FARP1: variants seen among roughly 807,000 people sequenced by gnomAD.
The protein encoded by FARP1 is FERM, ARH/RhoGEF and pleckstrin domain protein 1.
A neutral mutation model predicts 128.8 loss-of-function variants in FARP1; 52 were observed. That is an observed-to-expected ratio of 0.40 (90% CI 0.32 to 0.51). The LOEUF is 0.51. Among genes scored for constraint, FARP1 ranks in the 20% least tolerant of loss-of-function variants. The pLI is 0.45. For missense variants in FARP1, 1,333 were observed against 1,367.9 expected, an observed-to-expected ratio of 0.97 and a Z score of 0.40; for synonymous variants, 580 against 551.8, an observed-to-expected ratio of 1.05 and a Z score of -0.72.
At chr13:98,177,162 A>C (rs1878136839) in intron 1 of FARP1, 1 of 1,607,344 alleles carries the variant, frequency 6.2e-7, no homozygotes, top group Non-Finnish European at 8.5e-7. Context: ...CTTTCCGTCC[A>C]GGCTTTTTGA....
chr13:98,442,312 C>T (rs57514013), intron 24 of FARP1, among the ~76,000 whole-genome samples: 6 of 152,170 alleles, frequency 3.9e-5, no homozygotes, highest in Non-Finnish European at 5.9e-5. Flanking sequence ...TGGAGGGTCT[C>T]GAGAGAGTCT....
chr13:98,359,188 T>C (rs1419159292), intron 3 of FARP1, among the ~76,000 whole-genome samples: 4 of 152,148 alleles, frequency 2.6e-5, no homozygotes, highest in Admixed American at 6.5e-5. Context: ...CTATGTGACA[T>C]TGAGCAGCTT....
chr13:98,379,210 ATATAATATATAATCTATCTATATATAATC>A (rs1320350552), intron 6 of FARP1, among the ~76,000 whole-genome samples: 4 of 115,954 alleles, frequency 3.4e-5, no homozygotes, highest in South Asian at 2.5e-4. Flanking sequence ...TATATATAAT[ATATAATATATAATCTATCTATATATAATC>A]TATATATAAT....
At chr13:98,410,859 A>G (rs2291174) in intron 15 of FARP1, 36 bp downstream of exon 15, 93,894 of 1,080,338 alleles carry the variant, frequency 0.087, 4,614 homozygotes, top group East Asian at 0.11. Context: ...ATTCGATTAC[A>G]TGATTTATCT....
intron 2 of FARP1, among the ~76,000 whole-genome samples, chr13:98,247,378 A>G (rs1041319077): frequency 2.0e-5 from 3 of 152,158 alleles, no homozygotes; most frequent in South Asian, 2.1e-4. Flanking sequence ...TGGCCCCCAC[A>G]TAGAGTTCTT....
chr13:98,217,992 G>C (rs574578953), intron 2 of FARP1, among the ~76,000 whole-genome samples: 42 of 152,256 alleles, frequency 2.8e-4, no homozygotes, highest in Non-Finnish European at 4.3e-4. Context: ...GGCTGGGATT[G>C]GAGTCCGGCC....
intron 9 of FARP1, 33 bp from the exon 10 acceptor site, chr13:98,389,924 G>A (rs376101958): frequency 1.9e-6 from 3 of 1,609,548 alleles, no homozygotes; most frequent in Non-Finnish European, 2.5e-6. Context: ...TATGGGTAAT[G>A]GAAAAAACCA....
At chr13:98,388,737 C>T (rs1217204981) in intron 9 of FARP1, among the ~76,000 whole-genome samples, 5 of 152,300 alleles carry the variant, frequency 3.3e-5, no homozygotes, top group Non-Finnish European at 4.4e-5. Flanking sequence ...CATTTCCCTG[C>T]GCAGATTCAG....
At chr13:98,177,904 A>G (rs1315247779) in intron 1 of FARP1, 1 of 152,214 alleles carries the variant, frequency 6.6e-6, no homozygotes, top group Non-Finnish European at 1.5e-5. Flanking sequence ...CGCAGTGCAG[A>G]AAACAAAAAC....
intron 1 of FARP1, among the ~76,000 whole-genome samples, chr13:98,169,736 T>C (rs1877517967): frequency 6.6e-6 from 1 of 152,208 alleles, no homozygotes; most frequent in Non-Finnish European, 1.5e-5. Context: ...CCCTGGAACA[T>C]TTTAGAATCT....
Position 98,379,099 on chromosome 13 carries a change from T to TA in FARP1, c.496+1182dup, listed in dbSNP as rs1889756542. Among the ~76,000 whole-genome samples the TA allele has an allele frequency of 2.0e-5, 2 of 97,608 alleles. 1 individual carries two copies. The highest frequency in any genetic ancestry group is 3.8e-5 in the Non-Finnish European group (2 of 52,580). 64.0% of individuals were successfully genotyped at this position (97,608 alleles called of 152,430 possible). On this transcript the variant is annotated intron_variant, in intron 6 of 26. Transcript: ENST00000319562. ...TAATATGTAATCTATATATAATATA[T>TA]ATATAATATATAATCTATATATAAT... is the stretch of plus-strand genomic sequence containing the variant.
At chr13:98,207,251 A>G (rs1051214529) in intron 1 of FARP1, among the ~76,000 whole-genome samples, 9 of 152,200 alleles carry the variant, frequency 5.9e-5, no homozygotes, top group Non-Finnish European at 1.2e-4. Flanking sequence ...CCAGAAGTAG[A>G]AATAACCTAG....
At chr13:98,354,911 T>C (rs964896264) in intron 3 of FARP1, among the ~76,000 whole-genome samples, 6 of 152,184 alleles carry the variant, frequency 3.9e-5, no homozygotes, top group African/African-American at 1.4e-4. Flanking sequence ...AAATGTAATC[T>C]AAGTATGAAA....
rs544677275 is a variant in FARP1, at chr13:98,343,680, A to G, written c.172-82A>G. The G allele has an allele frequency of 2.9e-4, 286 of 970,434 alleles. No homozygotes were observed. In the African/African-American group the frequency reaches 4.0e-3, roughly 14 times the overall value. The allele number at this position is 970,434 out of a possible 1,614,324, so 60.1% of individuals were successfully genotyped here. ...GAAGGACCTGCAGACTTAGGAATCC[A>G]GAGGTTTCCTGCAGCGAGGAGCTGT... On this transcript the variant is annotated intron_variant, in intron 2 of 26. Transcript: ENST00000319562.
intron 2 of FARP1, among the ~76,000 whole-genome samples, chr13:98,218,684 G>C (rs529213405): frequency 1.3e-5 from 2 of 152,134 alleles, no homozygotes; most frequent in African/African-American, 4.8e-5. Context: ...TGCCAGTTGC[G>C]GGCCGCAGGA....
In FARP1 at chr13:98,412,847, T is replaced by C. The variant is rs144219006; in HGVS notation, c.1826+813T>C. Among the ~76,000 whole-genome samples, 1,225 of 152,352 alleles carry C rather than the reference T, an allele frequency of 8.0e-3. 16 individuals carry two copies. Among genetic ancestry groups the C allele is most frequent in the African/African-American group, 0.028 (1,153 of 41,578 alleles). Reference sequence around the variant, plus strand: ...GACACATGGGGAGTTGATTGTCTACTAAACATGCATTTGAAAAATGCCAGG... The same window carrying C: ...GACACATGGGGAGTTGATTGTCTACCAAACATGCATTTGAAAAATGCCAGG... On this transcript the variant is annotated intron_variant, in intron 16 of 26. Coordinates refer to ENST00000319562, the MANE Select transcript of FARP1 (RefSeq NM_005766.4).
intron 2 of FARP1, among the ~76,000 whole-genome samples, chr13:98,255,671 C>T (rs1477997645): frequency 6.6e-6 from 1 of 152,088 alleles, no homozygotes; most frequent in Non-Finnish European, 1.5e-5. Context: ...TTTTGTTTGT[C>T]TTTTTTATAG....
At chr13:98,219,637 AT>A (rs926990254) in intron 2 of FARP1, among the ~76,000 whole-genome samples, 2 of 151,474 alleles carry the variant, frequency 1.3e-5, no homozygotes, top group African/African-American at 4.9e-5. Flanking sequence ...CCAGCCACAT[AT>A]TTTTTATTTC....
In FARP1 at chr13:98,424,603, T is replaced by C. The variant is rs755137438; in HGVS notation, c.1858T>C (p.Tyr620His). The C allele has an allele frequency of 1.2e-6, 2 of 1,613,886 alleles. No individual in the cohort carries two copies. The highest frequency in any genetic ancestry group is 1.7e-6 in the Non-Finnish European group (2 of 1,179,852). ...CCGCTCAAATGCCCAAATCAGAGAT[T>C]ACCAAAGAATCGGCGATGTCATGCT... ...EGRSNAQIRD[Y>H]QRIGDVMLKN... The change falls in exon 17 of 27, where the codon TAC (tyrosine) becomes CAC (histidine). Residue 620 changes from tyrosine (Y) to histidine (H), a missense_variant. Tyr to His is a moderately conservative substitution (Grantham distance 83). This residue lies in a region of FARP1 where 1,009 missense variants were observed against 969.8 expected (regional missense o/e 1.04). Coordinates refer to ENST00000319562, the MANE Select transcript of FARP1 (RefSeq NM_005766.4).
Sources: allele counts gnomAD v4.1 joint callset (sites outside exome capture counted in the v4.1 genomes callset), GRCh38; gene constraint gnomAD v4.1.1; regional missense constraint gnomAD v4.1.1; transcripts MANE v1.5; gene names NCBI Gene and HGNC (gene_info 2026-07-23, HGNC 2026-07-21).